The following LUZP2 variants were observed in gnomAD, a reference collection of about 807,000 sequenced individuals.
The protein encoded by LUZP2 is leucine zipper protein 2.
LUZP2 carries 52 observed loss-of-function variants against 51.6 expected under a neutral mutation model. The observed-to-expected ratio is 1.01, with a 90% CI of 0.81 to 1.27. LUZP2 has a LOEUF of 1.27. LUZP2 is among the 50% of genes most tolerant of loss of function. The probability of loss-of-function intolerance (pLI) is 0.00; values close to 1 mark genes in which losing one functional copy is unlikely to be tolerated. For missense variants in LUZP2, 436 were observed against 395.4 expected (o/e 1.10, Z -0.87); for synonymous variants, 154 against 137.3 (o/e 1.12, Z -0.85).
chr11:24,807,965 G>C (rs566792858), intron 5 of LUZP2, among the ~76,000 whole-genome samples: 1 of 152,086 alleles, frequency 6.6e-6, no homozygotes, highest in Non-Finnish European at 1.5e-5. Context: ...TAGAATCCAA[G>C]TCATTTCTTA....
intron 10 of LUZP2, among the ~76,000 whole-genome samples, chr11:25,066,202 A>C (rs939884420): frequency 4.0e-5 from 6 of 151,880 alleles, no homozygotes; most frequent in Admixed American, 3.9e-4. Flanking sequence ...TCTTCCTATT[A>C]GTTATGCATT....
chr11:24,531,101 A>G (rs1255178782), intron 1 of LUZP2, among the ~76,000 whole-genome samples: 2 of 146,950 alleles, frequency 1.4e-5, no homozygotes, highest in Non-Finnish European at 1.5e-5. Flanking sequence ...TACCATAAAA[A>G]AGCAACTTCA....
chr11:24,932,131 G>A (rs1854473501), intron 7 of LUZP2, among the ~76,000 whole-genome samples: 1 of 152,206 alleles, frequency 6.6e-6, no homozygotes, highest in Admixed American at 6.5e-5. Context: ...CTCAGCCATG[G>A]ATAGCAGCAC....
chr11:24,627,142 A>G (rs1213676352), intron 1 of LUZP2, among the ~76,000 whole-genome samples: 4 of 152,202 alleles, frequency 2.6e-5, no homozygotes, highest in Non-Finnish European at 5.9e-5. Flanking sequence ...CAGATAATAC[A>G]GGGAGATGCT....
intron 5 of LUZP2, among the ~76,000 whole-genome samples, chr11:24,854,684 A>C (rs993127420): frequency 6.6e-6 from 1 of 151,692 alleles, no homozygotes; most frequent in Non-Finnish European, 1.5e-5. Flanking sequence ...AAAAAAAAAA[A>C]AACTCCTGCA....
At chr11:24,669,727 G>A (rs1856340090) in intron 1 of LUZP2, among the ~76,000 whole-genome samples, 1 of 152,000 alleles carries the variant, frequency 6.6e-6, no homozygotes, top group African/African-American at 2.4e-5. Flanking sequence ...CGGTATTTGA[G>A]GAATTGTGCT....
At chr11:24,950,275 G>A (rs994861115) in intron 7 of LUZP2, among the ~76,000 whole-genome samples, 7 of 151,426 alleles carry the variant, frequency 4.6e-5, no homozygotes, top group Admixed American at 2.0e-4. Flanking sequence ...AGAGGAAAAC[G>A]AAATGTTAAC....
intron 1 of LUZP2, among the ~76,000 whole-genome samples, chr11:24,592,949 A>G (rs1298815629): frequency 6.6e-6 from 1 of 152,200 alleles, no homozygotes; most frequent in Non-Finnish European, 1.5e-5. Context: ...ACATAAGTCA[A>G]ACAATAACCA....
intron 1 of LUZP2, among the ~76,000 whole-genome samples, chr11:24,508,103 T>C (rs1489428208): frequency 2.0e-5 from 3 of 152,120 alleles, no homozygotes; most frequent in Non-Finnish European, 4.4e-5. Context: ...TTTATAGATG[T>C]AGAAACTAAG....
intron 1 of LUZP2, among the ~76,000 whole-genome samples, chr11:24,498,500 A>G (rs984610450): frequency 6.6e-6 from 1 of 152,188 alleles, no homozygotes; most frequent in Non-Finnish European, 1.5e-5. Context: ...TGATAAATTT[A>G]GTCTTTCCTT....
intron 9 of LUZP2, among the ~76,000 whole-genome samples, chr11:25,015,504 C>T (rs1857123050): frequency 6.6e-6 from 1 of 152,136 alleles, no homozygotes; most frequent in African/African-American, 2.4e-5. Context: ...CTCCTCAGGT[C>T]TTTGACAGTT....
At chr11:24,625,843 AAT>A (rs1010467401) in intron 1 of LUZP2, among the ~76,000 whole-genome samples, 6 of 152,158 alleles carry the variant, frequency 3.9e-5, no homozygotes, top group African/African-American at 1.4e-4. Flanking sequence ...GTATTCAAAG[AAT>A]ATGTTTGTAC....
rs953969120 is a variant in LUZP2, at chr11:24,524,545, A to G, written c.62+27240A>G. ...CAAACCTTTCCCTGAAGTCTTTTGA[A>G]AACCATAGAAATTTTTACTAAGCAA... On this transcript the variant is annotated intron_variant, in intron 1 of 11. Transcript: ENST00000336930. 2.5e-4 allele frequency among the ~76,000 whole-genome samples: 38 copies of G among 151,744 alleles called. 2 individuals carry two copies. The highest frequency in any genetic ancestry group is 1.3e-4 in the Non-Finnish European group (9 of 67,734).
At chr11:24,782,907 C>A (rs995034929) in intron 5 of LUZP2, among the ~76,000 whole-genome samples, 1 of 151,926 alleles carries the variant, frequency 6.6e-6, no homozygotes, top group Admixed American at 6.6e-5. Flanking sequence ...AGAACACATT[C>A]TGAAACGAAA....
chr11:24,959,485 G>A (rs888382760), intron 7 of LUZP2, among the ~76,000 whole-genome samples: 4 of 152,048 alleles, frequency 2.6e-5, no homozygotes, highest in South Asian at 2.1e-4. Flanking sequence ...CTTGTAAGTT[G>A]GATTCCTAGG....
At chr11:24,540,101 A>T (rs533059376) in intron 1 of LUZP2, among the ~76,000 whole-genome samples, 96 of 152,222 alleles carry the variant, frequency 6.3e-4, no homozygotes, top group Admixed American at 2.1e-3. Flanking sequence ...TACCATATGA[A>T]ACTTGCATTG....
At chr11:25,030,245 T>G (rs1456515126) in intron 9 of LUZP2, among the ~76,000 whole-genome samples, 1 of 152,196 alleles carries the variant, frequency 6.6e-6, no homozygotes, top group African/African-American at 2.4e-5. Context: ...GAATATTTAT[T>G]TCAAGGATAT....
Position 24,898,540 on chromosome 11 carries a change from A to G in LUZP2, c.397-7451A>G, listed in dbSNP as rs938059953. Among the ~76,000 whole-genome samples the G allele has an allele frequency of 7.9e-5, 12 of 152,108 alleles. 1 individual carries two copies. In the South Asian group the frequency reaches 2.5e-3, roughly 31 times the overall value. On this transcript the variant is annotated intron_variant, in intron 5 of 11. Coordinates refer to ENST00000336930, the MANE Select transcript of LUZP2 (RefSeq NM_001009909.4). ...CGGGAGCCTGAGGCAGGAGAATGGC[A>G]TGAACTTGGGAAGCAGAGCTTACAG... is the stretch of plus-strand genomic sequence containing the variant.
chr11:24,704,434 T>C (rs1488080070), intron 1 of LUZP2, among the ~76,000 whole-genome samples: 2 of 145,976 alleles, frequency 1.4e-5, no homozygotes, highest in East Asian at 4.1e-4. Context: ...TTCTTAAATA[T>C]ACTAAATCAG....
Sources: allele counts gnomAD v4.1 joint callset (sites outside exome capture counted in the v4.1 genomes callset), GRCh38; gene constraint gnomAD v4.1.1; transcripts MANE v1.5; gene names NCBI Gene and HGNC (gene_info 2026-07-23, HGNC 2026-07-21).